NEK1: variants seen among roughly 807,000 people sequenced by gnomAD.
NEK1 encodes the protein serine/threonine-protein kinase Nek1.
In NEK1, 137 loss-of-function variants were observed where a neutral mutation model predicts 182.1. That is an observed-to-expected ratio of 0.75 (90% CI 0.65 to 0.87). The LOEUF is 0.87. NEK1 is among the 40% of genes least tolerant of loss of function. The pLI, the probability that NEK1 is intolerant of heterozygous loss-of-function variation, is 0.00. For synonymous variants in NEK1, 513 were observed against 492.2 expected (o/e 1.04, Z -0.56); for missense variants, 1,391 against 1,494.4 (o/e 0.93, Z 1.14).
intron 16 of NEK1, among the ~76,000 whole-genome samples, chr4:169,556,575 T>C (rs1762186052): frequency 6.6e-6 from 1 of 152,084 alleles, no homozygotes; most frequent in South Asian, 2.1e-4. Flanking sequence ...TATTAAAACA[T>C]GTTCTATATG....
At chr4:169,430,557 A>G (rs554658051) in intron 29 of NEK1, among the ~76,000 whole-genome samples, 2 of 152,312 alleles carry the variant, frequency 1.3e-5, no homozygotes, top group African/African-American at 4.8e-5. Context: ...AGGCAAAACT[A>G]TGGAGACAAT....
At chr4:169,525,147 G>A (rs1451076366) in intron 19 of NEK1, among the ~76,000 whole-genome samples, 5 of 151,792 alleles carry the variant, frequency 3.3e-5, no homozygotes, top group Admixed American at 3.3e-4. Flanking sequence ...TTATTTTGTT[G>A]AGAAAGAATC....
intron 12 of NEK1, among the ~76,000 whole-genome samples, chr4:169,564,435 TA>T (rs1181774746): frequency 6.6e-6 from 1 of 152,146 alleles, no homozygotes; most frequent in South Asian, 2.1e-4. Flanking sequence ...GTCATTGATA[TA>T]AAATTAGTTT....
intron 18 of NEK1, among the ~76,000 whole-genome samples, chr4:169,548,137 G>A (rs1323201328): frequency 1.3e-5 from 2 of 152,142 alleles, no homozygotes; most frequent in Non-Finnish European, 2.9e-5. Context: ...TGAAGTTGGC[G>A]ACCTTCAGAT....
chr4:169,565,907 C>T (rs1404880655), intron 12 of NEK1, among the ~76,000 whole-genome samples: 1 of 152,120 alleles, frequency 6.6e-6, no homozygotes, highest in Non-Finnish European at 1.5e-5. Flanking sequence ...TCTATAAATA[C>T]ATAAAACCAT....
At chr4:169,429,676 T>A (rs1215202372) in intron 29 of NEK1, among the ~76,000 whole-genome samples, 1 of 152,170 alleles carries the variant, frequency 6.6e-6, no homozygotes, top group African/African-American at 2.4e-5. Context: ...CACAGGACCC[T>A]AGTTCTCCAC....
At chr4:169,609,871 C>T (rs968257561) in intron 2 of NEK1, among the ~76,000 whole-genome samples, 4 of 152,058 alleles carry the variant, frequency 2.6e-5, no homozygotes, top group Admixed American at 2.0e-4. Flanking sequence ...TCAACAATTC[C>T]CCATCTCCAA....
intron 27 of NEK1, 32 bp downstream of exon 27, chr4:169,463,211 C>A: frequency 1.6e-6 from 2 of 1,240,408 alleles, no homozygotes; most frequent in African/African-American, 1.5e-5. Flanking sequence ...AATATTACTT[C>A]TAGTATAGAA....
intron 27 of NEK1, among the ~76,000 whole-genome samples, chr4:169,453,623 T>C (rs987547902): frequency 1.3e-5 from 2 of 152,248 alleles, no homozygotes; most frequent in African/African-American, 2.4e-5. Context: ...CCACAAACAA[T>C]AGCATGAGCG....
At chr4:169,542,628 A>G (rs1308240231) in intron 18 of NEK1, among the ~76,000 whole-genome samples, 4 of 152,230 alleles carry the variant, frequency 2.6e-5, no homozygotes, top group Admixed American at 6.5e-5. Context: ...ACAGTGTAAA[A>G]GCATTCCTAT....
At chr4:169,443,529 A>T (rs1056845134) in intron 27 of NEK1, among the ~76,000 whole-genome samples, 1 of 152,076 alleles carries the variant, frequency 6.6e-6, no homozygotes, top group Non-Finnish European at 1.5e-5. Context: ...ATGTGACATA[A>T]GAGAAATTGT....
At chr4:169,608,861 T>C (rs1771833304) in intron 2 of NEK1, among the ~76,000 whole-genome samples, 1 of 151,930 alleles carries the variant, frequency 6.6e-6, no homozygotes, top group Admixed American at 6.6e-5. Flanking sequence ...GAGTTTGATG[T>C]CAGGCTGACC....
intron 10 of NEK1, among the ~76,000 whole-genome samples, chr4:169,581,575 G>A (rs903308016): frequency 1.4e-4 from 22 of 152,168 alleles, no homozygotes; most frequent in African/African-American, 4.6e-4. Flanking sequence ...ATGTGCCACC[G>A]TGCCCAGCAC....
intron 27 of NEK1, among the ~76,000 whole-genome samples, chr4:169,440,639 G>A (rs949119661): frequency 5.9e-5 from 9 of 152,244 alleles, no homozygotes; most frequent in African/African-American, 1.4e-4. Flanking sequence ...AGAGGGAAGC[G>A]AAACAGTTGG....
intron 2 of NEK1, among the ~76,000 whole-genome samples, chr4:169,603,290 T>C (rs1487135186): frequency 6.6e-6 from 1 of 152,180 alleles, no homozygotes; most frequent in Non-Finnish European, 1.5e-5. Context: ...TTATTATTAT[T>C]TCTTGTATTT....
At chr4:169,541,351 C>T (rs1445871176) in intron 18 of NEK1, among the ~76,000 whole-genome samples, 1 of 152,120 alleles carries the variant, frequency 6.6e-6, no homozygotes, top group Non-Finnish European at 1.5e-5. Context: ...TAAAAAGTGG[C>T]TTCAGCCATT....
At chr4:169,607,835 T>C (rs114873104) in intron 2 of NEK1, among the ~76,000 whole-genome samples, 1,818 of 152,124 alleles carry the variant, frequency 0.012, 34 homozygotes, top group African/African-American at 0.041. Context: ...AACTCATTCA[T>C]GGATTTACGG....
chr4:169,515,312 T>C (rs1754986764), intron 19 of NEK1, among the ~76,000 whole-genome samples: 1 of 152,174 alleles, frequency 6.6e-6, no homozygotes, highest in South Asian at 2.1e-4. Flanking sequence ...TTAGTGATGG[T>C]GTTTAGCTAT....
chr4:169,577,876 T>C (rs971705496), intron 11 of NEK1, among the ~76,000 whole-genome samples: 1 of 151,964 alleles, frequency 6.6e-6, no homozygotes, highest in African/African-American at 2.4e-5. Flanking sequence ...ATAAGCAACT[T>C]TTTTCCTTCA....
Sources: gnomAD v4.1 joint callset for allele counts (sites outside exome capture counted in the v4.1 genomes callset) on GRCh38, gnomAD v4.1.1 for gene constraint, MANE v1.5 for transcripts, NCBI Gene and HGNC (gene_info 2026-07-23, HGNC 2026-07-21) for gene names.